Variants in RANBP2 observed in about 807,000 individuals in gnomAD.
The protein encoded by RANBP2 is RAN binding protein 2.
A neutral mutation model predicts 303.6 loss-of-function variants in RANBP2; 57 were observed. The ratio of observed to expected loss-of-function variants is 0.19; its 90% CI spans 0.15 to 0.23. The LOEUF (loss-of-function observed/expected upper bound fraction) is 0.23. RANBP2 is among the 10% of genes least tolerant of loss of function. The pLI is 1.00. For missense variants in RANBP2, 3,138 were observed against 3,780.8 expected, an observed-to-expected ratio of 0.83 and a Z score of 4.46; for synonymous variants, 1,167 against 1,301.5, an observed-to-expected ratio of 0.90 and a Z score of 2.23.
chr2:108,752,673 G>A (rs1675993517), intron 12 of RANBP2, among the ~76,000 whole-genome samples: 4 of 148,710 alleles, frequency 2.7e-5, no homozygotes, highest in Non-Finnish European at 5.9e-5. Context: ...GGCATCTGTA[G>A]TCCCAGCTAC....
the RANBP2 span, among the ~76,000 whole-genome samples, chr2:109,772,998 T>C: frequency 2.0e-5 from 3 of 151,934 alleles, no homozygotes; most frequent in South Asian, 2.1e-4. Context: ...AGGAACCCTT[T>C]GGATTTAAAT....
the RANBP2 span, among the ~76,000 whole-genome samples, chr2:109,392,300 A>T: frequency 1.3e-5 from 2 of 152,180 alleles, no homozygotes; most frequent in African/African-American, 4.8e-5. Flanking sequence ...ATTCAATGAG[A>T]CATCTCAGAA....
At chr2:109,571,754 T>A in the RANBP2 span, among the ~76,000 whole-genome samples, 6 of 152,150 alleles carry the variant, frequency 3.9e-5, no homozygotes, top group Non-Finnish European at 7.3e-5. Context: ...CTAGGAAGCA[T>A]CTAGAACTAG....
the RANBP2 span, among the ~76,000 whole-genome samples, chr2:108,898,965 G>A: frequency 2.0e-4 from 31 of 152,228 alleles, no homozygotes; most frequent in Admixed American, 1.7e-3. Context: ...GTGTCAAGAA[G>A]TTTCAGAAGG....
At chr2:109,138,229 G>A in the RANBP2 span, among the ~76,000 whole-genome samples, 12 of 152,094 alleles carry the variant, frequency 7.9e-5, no homozygotes, top group South Asian at 6.2e-4. Flanking sequence ...GGGTTTCACC[G>A]TATTGGCCAG....
the RANBP2 span, among the ~76,000 whole-genome samples, chr2:109,491,974 C>T: frequency 2.0e-5 from 3 of 152,148 alleles, no homozygotes; most frequent in South Asian, 4.1e-4. Flanking sequence ...GTCTAGTTTT[C>T]TATCCTCACA....
At chr2:108,827,566 C>T in the RANBP2 span, among the ~76,000 whole-genome samples, 2 of 151,928 alleles carry the variant, frequency 1.3e-5, no homozygotes. Context: ...CCTGTAATCC[C>T]AGCACTTTGG....
chr2:109,122,207 G>C, the RANBP2 span, among the ~76,000 whole-genome samples: 2 of 152,184 alleles, frequency 1.3e-5, no homozygotes, highest in African/African-American at 4.8e-5. Flanking sequence ...TTTTCCACAC[G>C]GCTGTGGTTT....
chr2:109,476,186 A>G, the RANBP2 span, among the ~76,000 whole-genome samples: 1 of 152,218 alleles, frequency 6.6e-6, no homozygotes, highest in African/African-American at 2.4e-5. Context: ...ATAAGGGATA[A>G]GCTGTTACCT....
At chr2:109,206,244 A>G in the RANBP2 span, among the ~76,000 whole-genome samples, 2 of 152,100 alleles carry the variant, frequency 1.3e-5, no homozygotes, top group Non-Finnish European at 2.9e-5. Flanking sequence ...TAATCCCAGC[A>G]CTTTGGGAGG....
the RANBP2 span, among the ~76,000 whole-genome samples, chr2:109,099,274 T>C: frequency 6.6e-6 from 1 of 152,172 alleles, no homozygotes. Context: ...TAACTTAATG[T>C]TTAAATGCAG....
At chr2:109,290,516 A>G in the RANBP2 span, among the ~76,000 whole-genome samples, 1 of 152,222 alleles carries the variant, frequency 6.6e-6, no homozygotes, top group Non-Finnish European at 1.5e-5. Context: ...ACTGTCTCCT[A>G]CACATATTAT....
the RANBP2 span, among the ~76,000 whole-genome samples, chr2:108,916,940 G>A: frequency 6.6e-6 from 1 of 152,120 alleles, no homozygotes; most frequent in South Asian, 2.1e-4. Flanking sequence ...AGGACATGGG[G>A]ATTCAGACTT....
the RANBP2 span, chr2:108,929,225 T>G: frequency 1.9e-6 from 3 of 1,614,118 alleles, no homozygotes; most frequent in Non-Finnish European, 2.5e-6. Context: ...ACACTCAGCG[T>G]CATTCTCCAT....
At chr2:109,187,368 T>TTA in the RANBP2 span, among the ~76,000 whole-genome samples, 1 of 151,908 alleles carries the variant, frequency 6.6e-6, no homozygotes, top group Non-Finnish European at 1.5e-5. Context: ...AGACTTTTTT[T>TTA]TTTTAAAGGT....
At chr2:109,455,872 A>G in the RANBP2 span, among the ~76,000 whole-genome samples, 3 of 152,098 alleles carry the variant, frequency 2.0e-5, no homozygotes, top group Admixed American at 6.5e-5. Flanking sequence ...GCTCCCACCA[A>G]CCAGGGTGGG....
At chr2:109,498,228 C>G in the RANBP2 span, among the ~76,000 whole-genome samples, 1 of 152,202 alleles carries the variant, frequency 6.6e-6, no homozygotes, top group Non-Finnish European at 1.5e-5. Flanking sequence ...GTCCAACCAT[C>G]GTGCACCCGT....
At chr2:109,248,817 TTC>T in the RANBP2 span, among the ~76,000 whole-genome samples, 7 of 151,884 alleles carry the variant, frequency 4.6e-5, no homozygotes, top group African/African-American at 1.7e-4. Context: ...CTCTTTCGTT[TTC>T]TCTCTTTCTC....
chr2:108,855,038 T>A, the RANBP2 span, among the ~76,000 whole-genome samples: 19 of 152,210 alleles, frequency 1.2e-4, no homozygotes, highest in African/African-American at 4.6e-4. Context: ...GCCAGGACAT[T>A]GTTAAAAGAC....
Sources: allele counts gnomAD v4.1 joint callset (sites outside exome capture counted in the v4.1 genomes callset), GRCh38; gene constraint gnomAD v4.1.1; transcripts MANE v1.5; gene names NCBI Gene and HGNC (gene_info 2026-07-23, HGNC 2026-07-21).